The following ADGRG4 variants were observed in gnomAD, a reference collection of about 807,000 sequenced individuals.
ADGRG4 encodes adhesion G protein-coupled receptor G4.
In ADGRG4, 122 loss-of-function variants were observed where a neutral mutation model predicts 126.2. The observed-to-expected ratio is 0.97, with a 90% CI of 0.83 to 1.12. The LOEUF is 1.12. Among genes scored for constraint, ADGRG4 ranks in the 50% most tolerant of loss-of-function variants. The pLI, the probability that ADGRG4 is intolerant of heterozygous loss-of-function variation, is 0.00. For synonymous variants in ADGRG4, 943 were observed against 838.7 expected, an observed-to-expected ratio of 1.12 and a Z score of -2.15; for missense variants, 2,481 against 2,251.8, an observed-to-expected ratio of 1.10 and a Z score of -2.06.
intron 20 of ADGRG4, 123 bp from the exon 21 acceptor site, chrX:136,399,725 A>C: frequency 1.7e-6 from 1 of 597,947 alleles, no homozygotes. Context: ...AGGGACTTCA[A>C]AGTATAAGCA....
chrX:136,364,510 G>T (rs1347937041), intron 13 of ADGRG4, among the ~76,000 whole-genome samples: 2 of 111,541 alleles, frequency 1.8e-5, no homozygotes, highest in African/African-American at 3.3e-5. Flanking sequence ...CACAATAAAT[G>T]TGCCACAATT....
chrX:136,380,577 TTCC>T (rs1161020229), intron 15 of ADGRG4, among the ~76,000 whole-genome samples: 1,053 of 83,988 alleles, frequency 0.013, 13 homozygotes, highest in East Asian at 0.03. Flanking sequence ...CCTCTTCTTC[TTCC>T]TCCTCCTCCT....
Position 136,395,438 on chromosome X carries a change from A to C in ADGRG4, c.8129A>C (p.Asn2710Thr). The change falls in exon 19 of 26, where the codon AAT becomes ACT. Residue 2710 changes from asparagine (N) to threonine (T), a missense_variant. Physicochemically the swap from Asn to Thr is moderately conservative, Grantham distance 65 (BLOSUM62 0). Transcript: ENST00000394143. ...NSSGCKVKET[N>T]VNYTICQCDH... ...TCAGGCTGTAAAGTAAAGGAAACAA[A>C]TGTAAATTACACAATCTGTCAGTGT... is the stretch of plus-strand genomic sequence containing the variant. 2 of 1,205,619 alleles carry C rather than the reference A, an allele frequency of 1.7e-6. No individual in the cohort carries two copies. The highest frequency in any genetic ancestry group is 2.2e-6 in the Non-Finnish European group (2 of 890,220).
At position 136,371,555 on chromosome X, in the gene ADGRG4, A is replaced by T; in HGVS notation, c.7613+11A>T. On this transcript the variant is annotated intron_variant, in intron 14 of 25. Transcript: ENST00000394143. Reference sequence around the variant, plus strand: ...TGAAATAAGCAATGAGTAAGTACTAATACTTTGGTGAAAGACATTATTTTT... The same window carrying T: ...TGAAATAAGCAATGAGTAAGTACTATTACTTTGGTGAAAGACATTATTTTT... 2 of 1,043,919 alleles carry T rather than the reference A, an allele frequency of 1.9e-6. No individual in the cohort carries two copies. Among genetic ancestry groups the T allele is most frequent in the Non-Finnish European group, 2.6e-6 (2 of 780,380 alleles). The allele number at this position is 1,043,919 out of a possible 1,213,427, so 86.0% of individuals were successfully genotyped here.
chrX:136,373,207 G>C (rs978786500), intron 15 of ADGRG4, 143 bp downstream of exon 15: 12 of 502,385 alleles, frequency 2.4e-5, no homozygotes, highest in Non-Finnish European at 1.9e-5. Flanking sequence ...GGGAAGATTC[G>C]TATATAATCT....
At chrX:136,407,423 G>A in intron 23 of ADGRG4, among the ~76,000 whole-genome samples, 1 of 111,326 alleles carries the variant, frequency 9.0e-6, no homozygotes, top group South Asian at 3.8e-4. Context: ...GTTAATCCTT[G>A]AGGAACCTTG....
intron 3 of ADGRG4, chrX:136,306,296 A>C (rs2148442104): frequency 9.0e-6 from 1 of 111,223 alleles, no homozygotes; most frequent in Admixed American, 9.6e-5. Context: ...ATCATGAAAT[A>C]ACCAAATTGC....
intron 15 of ADGRG4, among the ~76,000 whole-genome samples, chrX:136,374,511 C>A (rs770749446): frequency 5.4e-5 from 6 of 111,210 alleles, no homozygotes; most frequent in Admixed American, 9.6e-5. Context: ...CCCACCGCAA[C>A]CTCTGCCTCC....
intron 5 of ADGRG4, among the ~76,000 whole-genome samples, chrX:136,340,614 C>G (rs1411302181): frequency 9.0e-6 from 1 of 111,379 alleles, no homozygotes; most frequent in East Asian, 2.8e-4. Flanking sequence ...CAGAAAGAGT[C>G]TCTTTCTTTC....
Position 136,344,627 on chromosome X carries a change from A to G in ADGRG4, c.921A>G (p.Val307=), listed in dbSNP as rs2075000097. 2.5e-6 allele frequency: 3 copies of G among 1,210,266 alleles called. No homozygotes were observed. Among genetic ancestry groups the G allele is most frequent in the Middle Eastern group, 4.6e-4 (2 of 4,343 alleles). Residue 307 remains valine, a synonymous_variant, in exon 6 of 26, where the codon GTA becomes GTG. Transcript: ENST00000394143. ...CACAAAAAATCTTAAAGACACTGGT[A>G]GATGAGACAGCTACATTTGCAGTGG... ...MTAQKILKTL[V]DETATFAVDV...
At chrX:136,396,745 G>T (rs2075351221) in intron 19 of ADGRG4, among the ~76,000 whole-genome samples, 2 of 107,802 alleles carry the variant, frequency 1.9e-5, no homozygotes, top group African/African-American at 3.4e-5. Context: ...ATACACCAGG[G>T]TTTCTCAATC....
intron 5 of ADGRG4, among the ~76,000 whole-genome samples, chrX:136,332,406 T>A (rs1463428053): frequency 9.8e-6 from 1 of 102,231 alleles, no homozygotes; most frequent in Non-Finnish European, 2.0e-5. Context: ...AGTCTATCGT[T>A]GTTGGACATT....
At chrX:136,387,593 T>A (rs1183886514) in intron 15 of ADGRG4, 147 bp from the exon 16 acceptor site, 2 of 481,757 alleles carry the variant, frequency 4.2e-6, no homozygotes, top group Non-Finnish European at 7.1e-6. Context: ...TGTGTGTGTG[T>A]GAAAAGTGTA....
Position 136,345,240 on chromosome X carries a change from A to G in ADGRG4, c.1534A>G (p.Arg512Gly), listed in dbSNP as rs1228984715. 1 of 1,211,274 alleles carries G rather than the reference A, an allele frequency of 8.3e-7. No homozygotes were observed. Among genetic ancestry groups the G allele is most frequent in the Admixed American group, 2.2e-5 (1 of 45,970 alleles). Residue 512 changes from arginine (R) to glycine (G), a missense_variant, in exon 6 of 26, where the codon AGG becomes GGG. Coordinates refer to ENST00000394143, the MANE Select transcript of ADGRG4 (RefSeq NM_153834.4). ...FTVHSLTLPTRLIETTPAPRT... is the reference protein window; with the variant it reads ...FTVHSLTLPTGLIETTPAPRT... ...AGTCCATTCATTGACTCTCCCAACT[A>G]GGCTTATTGAGACCACACCTGCCCC... is the stretch of plus-strand genomic sequence containing the variant.
At chrX:136,366,722 C>G (rs868104498) in intron 13 of ADGRG4, among the ~76,000 whole-genome samples, 1 of 112,230 alleles carries the variant, frequency 8.9e-6, no homozygotes, top group African/African-American at 3.2e-5. Context: ...TAGATTTTGG[C>G]TATTCTAATA....
At chrX:136,377,167 CTTTT>C (rs1184343263) in intron 15 of ADGRG4, among the ~76,000 whole-genome samples, 4 of 48,654 alleles carry the variant, frequency 8.2e-5, no homozygotes, top group African/African-American at 3.1e-4. Context: ...GTTTTCTTTC[CTTTT>C]TTTTTTTTTT....
At chrX:136,344,064 T>C (rs1255288935) in intron 5 of ADGRG4, among the ~76,000 whole-genome samples, 1 of 112,129 alleles carries the variant, frequency 8.9e-6, no homozygotes, top group Non-Finnish European at 1.9e-5. Context: ...AGCTGTATTT[T>C]TCAAGGAATT....
chrX:136,369,263 C>A (rs1269764276), intron 13 of ADGRG4, among the ~76,000 whole-genome samples: 1 of 112,343 alleles, frequency 8.9e-6, no homozygotes, highest in Non-Finnish European at 1.9e-5. Context: ...AACACTGGCT[C>A]ATAGAAATTG....
At chrX:136,321,446 C>T (rs946314260) in intron 4 of ADGRG4, among the ~76,000 whole-genome samples, 3 of 111,447 alleles carry the variant, frequency 2.7e-5, no homozygotes, top group African/African-American at 9.8e-5. Context: ...TTTCATTTGG[C>T]GGCATCTCCC....
Sources: gnomAD v4.1 joint callset for allele counts (sites outside exome capture counted in the v4.1 genomes callset) on GRCh38, gnomAD v4.1.1 for gene constraint, MANE v1.5 for transcripts, NCBI Gene and HGNC (gene_info 2026-07-23, HGNC 2026-07-21) for gene names.